Variants in GPR158 observed in about 807,000 individuals in gnomAD.
GPR158 encodes G protein-coupled receptor 158.
A neutral mutation model predicts 78.2 loss-of-function variants in GPR158; 30 were observed. The ratio of observed to expected loss-of-function variants is 0.38; its 90% confidence interval spans 0.29 to 0.52. GPR158 has a LOEUF of 0.52. GPR158 is among the 20% of genes least tolerant of loss of function. The pLI is 0.83. For missense variants in GPR158, 1,463 were observed against 1,523.5 expected (o/e 0.96, Z 0.66); for synonymous variants, 581 against 591.1 (o/e 0.98, Z 0.25).
intron 2 of GPR158, among the ~76,000 whole-genome samples, chr10:25,301,212 T>G (rs937194408): frequency 1.8e-4 from 28 of 152,192 alleles, no homozygotes; most frequent in African/African-American, 6.8e-4. Flanking sequence ...GAAATAGTGT[T>G]ATTCTGTAAG....
At chr10:25,440,022 T>A (rs955392962) in intron 4 of GPR158, among the ~76,000 whole-genome samples, 2 of 152,150 alleles carry the variant, frequency 1.3e-5, no homozygotes, top group African/African-American at 4.8e-5. Flanking sequence ...CATAAAAAAA[T>A]CATGTTCTCC....
intron 2 of GPR158, among the ~76,000 whole-genome samples, chr10:25,260,838 G>A (rs866994512): frequency 3.3e-5 from 5 of 151,998 alleles, no homozygotes; most frequent in East Asian, 1.9e-4. Flanking sequence ...CTTTCTATTC[G>A]TCTATGGCCT....
intron 4 of GPR158, among the ~76,000 whole-genome samples, chr10:25,448,987 T>C (rs1285453384): frequency 1.3e-5 from 2 of 152,134 alleles, no homozygotes; most frequent in African/African-American, 4.8e-5. Flanking sequence ...AATATGAAAA[T>C]ATTTTATAGT....
intron 4 of GPR158, among the ~76,000 whole-genome samples, chr10:25,427,052 A>G (rs923190747): frequency 1.3e-5 from 2 of 152,056 alleles, no homozygotes; most frequent in East Asian, 1.9e-4. Flanking sequence ...AATTTTTTCA[A>G]TTGCACTAAC....
At chr10:25,376,876 C>T (rs900608583) in intron 2 of GPR158, among the ~76,000 whole-genome samples, 2 of 151,060 alleles carry the variant, frequency 1.3e-5, no homozygotes, top group Admixed American at 1.3e-4. Flanking sequence ...TATGTTGCTC[C>T]TTTGATTTAT....
chr10:25,214,519 T>C (rs1276265795), intron 1 of GPR158, among the ~76,000 whole-genome samples: 2 of 152,122 alleles, frequency 1.3e-5, no homozygotes, highest in African/African-American at 4.8e-5. Flanking sequence ...ACAGGCTTCA[T>C]TCAGGTTTCC....
At chr10:25,463,884 G>T (rs528405150) in intron 4 of GPR158, among the ~76,000 whole-genome samples, 17 of 152,188 alleles carry the variant, frequency 1.1e-4, no homozygotes, top group Non-Finnish European at 2.4e-4. Flanking sequence ...CCAGTTAAAA[G>T]ATTTTCTAGT....
Position 25,540,962 on chromosome 10 carries a change from AT to A in GPR158, c.1405-10013del, listed in dbSNP as rs1371498598. 1.6e-3 allele frequency among the ~76,000 whole-genome samples: 230 copies of A among 147,364 alleles called. 2 individuals carry two copies. The highest frequency in any genetic ancestry group is 3.6e-3 in the African/African-American group (146 of 40,708). On this transcript the variant is annotated intron_variant, in intron 5 of 10. Coordinates refer to ENST00000376351, the MANE Select transcript of GPR158 (RefSeq NM_020752.3). Reference sequence around the variant, plus strand: ...ATAATAAAAATATATATATATATATATATATATATATATATAAAGTTTATCT... The same window carrying A: ...ATAATAAAAATATATATATATATATAATATATATATATATAAAGTTTATCT...
chr10:25,552,026 C>T (rs1201603360), intron 6 of GPR158, among the ~76,000 whole-genome samples: 1 of 152,044 alleles, frequency 6.6e-6, no homozygotes, highest in Non-Finnish European at 1.5e-5. Context: ...CATTTTTTCT[C>T]TTTTGGTACT....
chr10:25,253,569 C>G lies in GPR158; in HGVS notation c.1008+32412C>G, dbSNP rs966276947. On this transcript the variant is annotated intron_variant, in intron 2 of 10. Transcript: ENST00000376351. Reference sequence around the variant, plus strand: ...ATGTCATTCAGAATCTTCTTTGACACAGGCAGAATATAATTATCTAATTTT... The same window carrying G: ...ATGTCATTCAGAATCTTCTTTGACAGAGGCAGAATATAATTATCTAATTTT... Among the ~76,000 whole-genome samples the G allele has an allele frequency of 1.3e-5, 2 of 152,162 alleles. 1 individual carries two copies. The highest frequency in any genetic ancestry group is 2.9e-5 in the Non-Finnish European group (2 of 68,026).
intron 1 of GPR158, among the ~76,000 whole-genome samples, chr10:25,195,455 C>G (rs975678521): frequency 6.6e-6 from 1 of 152,186 alleles, no homozygotes; most frequent in Non-Finnish European, 1.5e-5. Flanking sequence ...ATCCACCCAC[C>G]TTGGCTTCCC....
intron 5 of GPR158, among the ~76,000 whole-genome samples, chr10:25,517,383 C>T (rs1484349996): frequency 3.9e-5 from 6 of 152,068 alleles, no homozygotes; most frequent in Admixed American, 1.3e-4. Flanking sequence ...TGCCTGATTG[C>T]CCTGGCCAGA....
chr10:25,395,296 A>G (rs79554581), intron 2 of GPR158, among the ~76,000 whole-genome samples: 2,154 of 152,248 alleles, frequency 0.014, 59 homozygotes, highest in African/African-American at 0.05. Flanking sequence ...TAAAACATTT[A>G]TCTATTAAAC....
At chr10:25,502,646 G>C (rs533378832) in intron 5 of GPR158, among the ~76,000 whole-genome samples, 1 of 152,278 alleles carries the variant, frequency 6.6e-6, no homozygotes, top group African/African-American at 2.4e-5. Flanking sequence ...GAGGCAGTGA[G>C]TTGCTAATTC....
At chr10:25,445,228 G>A (rs547786606) in intron 4 of GPR158, among the ~76,000 whole-genome samples, 4 of 152,244 alleles carry the variant, frequency 2.6e-5, no homozygotes, top group African/African-American at 4.8e-5. Context: ...AATTAGGAAC[G>A]TCTTCCTAGA....
chr10:25,276,869 G>A (rs929761306), intron 2 of GPR158, among the ~76,000 whole-genome samples: 9 of 152,052 alleles, frequency 5.9e-5, no homozygotes, highest in African/African-American at 2.2e-4. Flanking sequence ...GAAGCAGTAA[G>A]GACATAAAAG....
chr10:25,493,143 G>A (rs1211357920), intron 5 of GPR158, among the ~76,000 whole-genome samples: 1 of 152,104 alleles, frequency 6.6e-6, no homozygotes, highest in Non-Finnish European at 1.5e-5. Flanking sequence ...AGTTTTGGGG[G>A]TGTGTTTATA....
At chr10:25,561,716 GTTAATA>G (rs67606212) in intron 6 of GPR158, among the ~76,000 whole-genome samples, 40,688 of 151,800 alleles carry the variant, frequency 0.27, 6,636 homozygotes, top group Non-Finnish European at 0.36. Context: ...TTTATGCTTA[GTTAATA>G]TTAAGGTCTG....
chr10:25,241,365 T>TTC lies in GPR158; in HGVS notation c.1008+20210_1008+20211dup, dbSNP rs1554787289. ...TCTCTTTTCTCTTTTCTTTTCTCTT[T>TTC]TCTTTTCTCTCTTCTCTTCTCTTCT... On this transcript the variant is annotated intron_variant, in intron 2 of 10. Transcript: ENST00000376351. Among the ~76,000 whole-genome samples the TTC allele has an allele frequency of 9.5e-4, 120 of 126,534 alleles. 3 individuals are homozygous for TTC. The highest frequency in any genetic ancestry group is 4.1e-3 in the African/African-American group (114 of 27,624). The allele number at this position is 126,534 out of a possible 152,430, so 83.0% of individuals were successfully genotyped here. A position where few individuals can be genotyped will look rare whatever the true frequency, so the allele number is the denominator to read the frequency against.
Sources: allele counts gnomAD v4.1 joint callset (sites outside exome capture counted in the v4.1 genomes callset), GRCh38; gene constraint gnomAD v4.1.1; transcripts MANE v1.5; gene names NCBI Gene and HGNC (gene_info 2026-07-23, HGNC 2026-07-21).